Variants in VPS33B observed in about 807,000 individuals in gnomAD.
VPS33B encodes the protein VPS33B late endosome and lysosome associated, also known as vacuolar protein sorting-associated protein 33B.
In VPS33B, 80 loss-of-function variants were observed where a neutral mutation model predicts 95.3. That is an observed-to-expected ratio of 0.84 (90% CI 0.70 to 1.01). The LOEUF is 1.01. Among genes scored for constraint, VPS33B ranks in the 50% least tolerant of loss-of-function variants. The pLI, the probability that VPS33B is intolerant of heterozygous loss-of-function variation, is 0.00. For missense variants in VPS33B, 715 were observed against 773.4 expected (o/e 0.92, Z 0.90); for synonymous variants, 280 against 280.4 (o/e 1.00, Z 0.01).
In VPS33B at chr15:91,007,327, C is replaced by T. The variant is rs775683439; in HGVS notation, c.603+142G>A. On this transcript the variant is annotated intron_variant, in intron 8 of 22. Coordinates refer to ENST00000333371, the MANE Select transcript of VPS33B (RefSeq NM_018668.5). The surrounding 1 kb of genome is among the most constrained non-coding windows in gnomAD (Gnocchi z 5.3). Reference sequence around the variant, plus strand: ...CTTCTCTGTTAGCCACACAAGTTCTCCTCTCTGAGGATCTATTCCAGAACA... The same window carrying T: ...CTTCTCTGTTAGCCACACAAGTTCTTCTCTCTGAGGATCTATTCCAGAACA... 1.1e-4 allele frequency: 98 copies of T among 892,984 alleles called. No homozygotes were observed. Among genetic ancestry groups the T allele is most frequent in the Non-Finnish European group, 1.6e-4 (87 of 552,746 alleles). 55.3% of individuals were successfully genotyped at this position (892,984 alleles called of 1,614,324 possible). A position where few individuals can be genotyped will look rare whatever the true frequency, so the allele number is the denominator to read the frequency against.
Position 91,002,939 on chromosome 15 carries a change from C to T in VPS33B, c.1272+146G>A, listed in dbSNP as rs1219771269. 4 of 880,914 alleles carry T rather than the reference C, an allele frequency of 4.5e-6. No homozygotes were observed. The highest frequency in any genetic ancestry group is 5.7e-6 in the Non-Finnish European group (3 of 523,220). 54.6% of individuals were successfully genotyped at this position (880,914 alleles called of 1,614,324 possible). ...CAGAGAGGCGTGCTGAAAGGTGACT[C>T]TCCCTAGTAGCTCTAAGAGGGAGGC... On this transcript the variant is annotated intron_variant, in intron 17 of 22. Transcript: ENST00000333371. The surrounding 1 kb of genome is among the most constrained non-coding windows in gnomAD (Gnocchi z 4.7).
chr15:91,007,008 C>A lies in VPS33B; in HGVS notation c.642G>T (p.Glu214Asp), dbSNP rs147271815. 3.1e-6 allele frequency: 5 copies of A among 1,611,864 alleles called. No homozygotes were observed. The South Asian group carries it at 4.4e-5, about 14-fold the overall frequency. Residue 214 changes from glutamate to aspartate, a missense_variant, in exon 9 of 23, where the codon GAG becomes GAT. Transcript: ENST00000333371. The surrounding 1 kb of genome is among the most constrained non-coding windows in gnomAD (Gnocchi z 5.3). ...YELWRNLEEEEDGETKGRRPE... is the reference protein window; with the variant it reads ...YELWRNLEEEDDGETKGRRPE... ...GCCTTCGGCCCTTGGTTTCGCCATC[C>A]TCCTCCTCCTCCAGGTTCCTCCACA...
rs756288829 is a variant in VPS33B at position 91,022,135 on chromosome 15, G to A, written c.96+19C>T. 13 of 1,554,340 alleles carry A rather than the reference G, an allele frequency of 8.4e-6. No homozygotes were observed. The Admixed American group carries it at 1.4e-4, about 16-fold the overall frequency. ...GTGCTAAACTGTAGATGCGATAAAG[G>A]CGTCAGGCAAGCACTGACCTGCTCC... On this transcript the variant is annotated intron_variant, in intron 1 of 22. Transcript: ENST00000333371.
chr15:91,003,187 T>C, intron 16 of VPS33B, 56 bp from the exon 17 acceptor site: 4 of 1,566,794 alleles, frequency 2.6e-6, no homozygotes, highest in Non-Finnish European at 3.5e-6. Flanking sequence ...AGAGGCACCC[T>C]AAAATGTACA....
intron 18 of VPS33B, 118 bp downstream of exon 18, chr15:91,001,932 A>G (rs957419082): frequency 6.5e-7 from 1 of 1,532,012 alleles, no homozygotes; most frequent in Non-Finnish European, 9.0e-7. Flanking sequence ...TAGTAATGAC[A>G]TTAATAGGAA....
chr15:91,006,862 C>T lies in VPS33B; in HGVS notation c.700+88G>A, dbSNP rs1596357752. On this transcript the variant is annotated intron_variant, in intron 9 of 22. Transcript: ENST00000333371. The surrounding 1 kb of genome is among the most constrained non-coding windows in gnomAD (Gnocchi z 5.4). ...TCAAAGCTGGGATTCACAGCCCTAA[C>T]TTTAGGATTTTAACTTTGCCACCAC... 3.7e-6 allele frequency: 6 copies of T among 1,600,180 alleles called. No individual in the cohort carries two copies. Among genetic ancestry groups the T allele is most frequent in the Non-Finnish European group, 5.1e-6 (6 of 1,167,688 alleles).
chr15:91,005,087 T>C lies in VPS33B; in HGVS notation c.1138A>G (p.Thr380Ala). 1 of 1,614,208 alleles carries C rather than the reference T, an allele frequency of 6.2e-7. No individual in the cohort carries two copies. The highest frequency in any genetic ancestry group is 8.5e-7 in the Non-Finnish European group (1 of 1,180,042). Residue 380 changes from threonine (T) to alanine (A), a missense_variant, in exon 15 of 23, where the codon ACC becomes GCC. Thr to Ala is a moderately conservative substitution (Grantham distance 58). Transcript: ENST00000333371. The surrounding 1 kb of genome is among the most constrained non-coding windows in gnomAD (Gnocchi z 6.4). ...LLEGFNIRES[T>A]SYIEEHIDRQ... ...TCTATGTGTTCCTCAATGTAGCTGG[T>C]GCTCTCCCGGATGTTGAACCCCTCT...
At chr15:91,014,497 G>A (rs2040869082) in intron 3 of VPS33B, 64 bp from the exon 4 acceptor site, 9 of 1,558,666 alleles carry the variant, frequency 5.8e-6, no homozygotes, top group Non-Finnish European at 7.1e-6. Flanking sequence ...CAACTTAGAA[G>A]AAACTGAAAC....
chr15:91,018,375 C>A lies in VPS33B; in HGVS notation c.97-490G>T, dbSNP rs1360296468. Among the ~76,000 whole-genome samples the A allele has an allele frequency of 1.3e-5, 2 of 152,182 alleles. No homozygotes were observed. Among genetic ancestry groups the A allele is most frequent in the Non-Finnish European group, 2.9e-5 (2 of 68,032 alleles). On this transcript the variant is annotated intron_variant, in intron 1 of 22. Transcript: ENST00000333371. This position sits in a 1 kb window ranked among gnomAD's most constrained non-coding sequence, Gnocchi z 4.7. ...ATCACCCTTCCACTCCCCCACCCCA[C>A]AATCCCTGTCATACGATTCCTGCAC...
At position 91,002,992 on chromosome 15, in the gene VPS33B, G is replaced by T; in HGVS notation, c.1272+93C>A. ...GAATGGAAACAGGAGGGTAATGGAGGCAGGAAAGGGGCCACTTCTCTTGCC... is the reference window on the plus strand; with the variant it reads ...GAATGGAAACAGGAGGGTAATGGAGTCAGGAAAGGGGCCACTTCTCTTGCC... On this transcript the variant is annotated intron_variant, in intron 17 of 22. Transcript: ENST00000333371. This position sits in a 1 kb window ranked among gnomAD's most constrained non-coding sequence, Gnocchi z 4.7. 1 of 1,365,392 alleles carries T rather than the reference G, an allele frequency of 7.3e-7. No individual in the cohort carries two copies. Among genetic ancestry groups the T allele is most frequent in the Non-Finnish European group, 1.0e-6 (1 of 953,680 alleles). 84.6% of individuals were successfully genotyped at this position (1,365,392 alleles called of 1,614,324 possible).
rs2151675964 is a variant in VPS33B, at chr15:91,010,855, A to G, written c.358-1009T>C. Among the ~76,000 whole-genome samples, 1 of 152,344 alleles carries G rather than the reference A, an allele frequency of 6.6e-6. No homozygotes were observed. Among genetic ancestry groups the G allele is most frequent in the East Asian group, 1.9e-4 (1 of 5,180 alleles). ...AAGTTAAGTAGGATTAACATTAAAT[A>G]GACACCAGTGGATTTGACAACGGAG... On this transcript the variant is annotated intron_variant, in intron 5 of 22. Transcript: ENST00000333371. This position sits in a 1 kb window ranked among gnomAD's most constrained non-coding sequence, Gnocchi z 5.7.
rs993399529 is a variant in VPS33B, at chr15:91,013,303, T to C, written c.357+501A>G. Among the ~76,000 whole-genome samples, 2 of 152,190 alleles carry C rather than the reference T, an allele frequency of 1.3e-5. No individual in the cohort carries two copies. Among genetic ancestry groups the C allele is most frequent in the Non-Finnish European group, 2.9e-5 (2 of 68,032 alleles). ...ATATGTTAATGAATTGAGGATGCGT[T>C]AGTGACAGGTATTAGGTTCAATCAC... On this transcript the variant is annotated intron_variant, in intron 5 of 22. Transcript: ENST00000333371. The surrounding 1 kb of genome is among the most constrained non-coding windows in gnomAD (Gnocchi z 4.5).
In VPS33B at chr15:91,017,843, T is replaced by G; in HGVS notation, c.139A>C (p.Ser47Arg). Residue 47 changes from serine to arginine, a missense_variant, in exon 2 of 23, where the codon AGC becomes CGC. By Grantham distance (110) the Ser-to-Arg change is moderately radical. Transcript: ENST00000333371. Reference protein sequence around the residue: ...KDLFIEADLMSPLDRIANVSI... With the variant: ...KDLFIEADLMRPLDRIANVSI... ...ACATTGGCAATTCGATCCAAAGGGC[T>G]CATGAGATCTGCCTCAATGAATAAA... 6.2e-7 allele frequency: 1 copy of G among 1,614,128 alleles called. No homozygotes were observed. The highest frequency in any genetic ancestry group is 1.7e-5 in the Admixed American group (1 of 60,026).
At chr15:91,014,012 G>A in intron 4 of VPS33B, 141 bp from the exon 5 acceptor site, 2 of 994,296 alleles carry the variant, frequency 2.0e-6, no homozygotes, top group South Asian at 2.6e-5. Context: ...GAGGTCAGGA[G>A]TTTGCGACCA....
intron 18 of VPS33B, 79 bp downstream of exon 18, chr15:91,001,971 C>G (rs1047762267): frequency 6.2e-7 from 1 of 1,606,496 alleles, no homozygotes; most frequent in Non-Finnish European, 8.5e-7. Flanking sequence ...CCAATTCATT[C>G]TGTCCCTCCC....
Position 91,015,448 on chromosome 15 carries a change from G to A in VPS33B, c.240-1015C>T, listed in dbSNP as rs2040897939. Among the ~76,000 whole-genome samples the A allele has an allele frequency of 6.6e-6, 1 of 152,010 alleles. No individual in the cohort carries two copies. The highest frequency in any genetic ancestry group is 1.5e-5 in the Non-Finnish European group (1 of 68,014). On this transcript the variant is annotated intron_variant, in intron 3 of 22. Transcript: ENST00000333371. This position sits in a 1 kb window ranked among gnomAD's most constrained non-coding sequence, Gnocchi z 4.7. ...TAATCCCAGCATTTTGGGAGGCCAA[G>A]GAGTGCGGATCACCTGAGGTCAAGA...
In VPS33B at chr15:91,014,371, A is replaced by G; in HGVS notation, c.289+13T>C. 2 of 1,614,134 alleles carry G rather than the reference A, an allele frequency of 1.2e-6. No individual in the cohort carries two copies. Among genetic ancestry groups the G allele is most frequent in the Non-Finnish European group, 1.7e-6 (2 of 1,180,010 alleles). ...CTTTCCCACAGTTACACATAGTACC[A>G]TGGCACACTCACTGGCAATGTATCG... On this transcript the variant is annotated intron_variant, in intron 4 of 22. Transcript: ENST00000333371.
At position 91,007,911 on chromosome 15, in the gene VPS33B, G is replaced by A. The variant is rs201390279; in HGVS notation, c.457C>T (p.Leu153=). 42 of 1,614,194 alleles carry A rather than the reference G, an allele frequency of 2.6e-5. No individual in the cohort carries two copies. In the East Asian group the frequency reaches 8.9e-4, roughly 34 times the overall value. The change falls in exon 7 of 23, where the codon CTG becomes TTG. Residue 153 remains leucine (L), a synonymous_variant. Transcript: ENST00000333371. The surrounding 1 kb of genome is among the most constrained non-coding windows in gnomAD (Gnocchi z 5.3). ...AAAAATTCTGGTAGTTCCATGCTCA[G>A]CAGATCCACATCAAGAGGCAGCAAA... ...FSLLPLDVDL[L]SMELPEFFRD...
intron 4 of VPS33B, among the ~76,000 whole-genome samples, 192 bp from the exon 5 acceptor site, chr15:91,014,063 C>T (rs2040853297): frequency 6.6e-6 from 1 of 151,872 alleles, no homozygotes; most frequent in Admixed American, 6.6e-5. Flanking sequence ...ACTAAAAACA[C>T]AAAAAATTAG....
Sources: allele counts gnomAD v4.1 joint callset (sites outside exome capture counted in the v4.1 genomes callset), GRCh38; gene constraint gnomAD v4.1.1; non-coding constraint Gnocchi (gnomAD v3.1); transcripts MANE v1.5; gene names NCBI Gene and HGNC (gene_info 2026-07-23, HGNC 2026-07-21).